Variants in RIOK1 observed in about 807,000 individuals in gnomAD.
RIOK1 encodes RIO kinase 1.
In RIOK1, 66 loss-of-function variants were observed where a neutral mutation model predicts 73.5. The ratio of observed to expected loss-of-function variants is 0.90; its 90% confidence interval spans 0.74 to 1.10. The LOEUF (loss-of-function observed/expected upper bound fraction) is 1.10, where lower values mean the gene tolerates loss of function less well. Among genes scored for constraint, RIOK1 ranks in the 50% least tolerant of loss-of-function variants. The pLI is 0.00. For missense variants in RIOK1, 658 were observed against 699.8 expected, an observed-to-expected ratio of 0.94 and a Z score of 0.67; for synonymous variants, 224 against 226.8, an observed-to-expected ratio of 0.99 and a Z score of 0.11.
chr6:7,405,789 T>C (rs1190977712), intron 12 of RIOK1, among the ~76,000 whole-genome samples: 1 of 145,808 alleles, frequency 6.9e-6, no homozygotes, highest in Non-Finnish European at 1.5e-5. Flanking sequence ...TTTTTTTTTT[T>C]CCTTTTTTTT....
At chr6:7,394,295 G>A (rs887870702) in intron 2 of RIOK1, among the ~76,000 whole-genome samples, 20 of 152,140 alleles carry the variant, frequency 1.3e-4, no homozygotes, top group Non-Finnish European at 5.9e-5. Context: ...TTAGCCGGGC[G>A]TGGTGGTGGG....
In RIOK1 at chr6:7,417,941, T is replaced by C. The variant is rs1386569283; in HGVS notation, c.*500T>C. The C allele has an allele frequency of 6.6e-6, 1 of 152,286 alleles. No individual in the cohort carries two copies. Among genetic ancestry groups the C allele is most frequent in the African/African-American group, 2.4e-5 (1 of 41,468 alleles). 9.4% of individuals were successfully genotyped at this position (152,286 alleles called of 1,614,324 possible). A position where few individuals can be genotyped will look rare whatever the true frequency, so the allele number is the denominator to read the frequency against. On this transcript the variant is annotated 3_prime_UTR_variant, in exon 17 of 17. Coordinates refer to ENST00000379834, the MANE Select transcript of RIOK1 (RefSeq NM_031480.3). ...GATTTTCACTGCAACTCTGCCTTTG[T>C]GTGTATTGGCGATCATTTGTAATGC... is the stretch of plus-strand genomic sequence containing the variant.
rs1761951165 is a variant in RIOK1 at position 7,414,358 on chromosome 6, A to G, written c.1564A>G (p.Lys522Glu). ...EEQGDHARPK[K>E]HTTDPDIDKK... Reference sequence around the variant, plus strand: ...GCAGGGAGACCATGCCCGCCCCAAGAAACACACCACGGACCCTGACATTGA... The same window carrying G: ...GCAGGGAGACCATGCCCGCCCCAAGGAACACACCACGGACCCTGACATTGA... Residue 522 changes from lysine to glutamate, a missense_variant, in exon 16 of 17, where the codon AAA becomes GAA. Lys to Glu is a moderately conservative substitution (Grantham distance 56). Transcript: ENST00000379834. 6.2e-7 allele frequency: 1 copy of G among 1,612,456 alleles called. No individual in the cohort carries two copies. The highest frequency in any genetic ancestry group is 2.2e-5 in the East Asian group (1 of 44,872).
Position 7,414,334 on chromosome 6 carries a change from C to G in RIOK1, c.1540C>G (p.Gln514Glu). 6.2e-7 allele frequency: 1 copy of G among 1,613,742 alleles called. No homozygotes were observed. The highest frequency in any genetic ancestry group is 8.5e-7 in the Non-Finnish European group (1 of 1,179,878). ...GTGCTCTGACACAGACTCTGAAGAG[C>G]AGGGAGACCATGCCCGCCCCAAGAA... The part of the protein sequence containing the change: ...SECSDTDSEE[Q>E]GDHARPKKHT... Residue 514 changes from glutamine (Q) to glutamate (E), a missense_variant, in exon 16 of 17, where the codon CAG becomes GAG. Coordinates refer to ENST00000379834, the MANE Select transcript of RIOK1 (RefSeq NM_031480.3).
At position 7,417,398 on chromosome 6, in the gene RIOK1, A is replaced by G; in HGVS notation, c.1664A>G (p.Lys555Arg). Residue 555 changes from lysine (K) to arginine (R), a missense_variant, in exon 17 of 17, where the codon AAA (lysine) becomes AGA (arginine). By Grantham distance (26) the Lys-to-Arg change is conservative. Coordinates refer to ENST00000379834, the MANE Select transcript of RIOK1 (RefSeq NM_031480.3). ...AAAAACAAAATTCCTAAACATGTGA[A>G]AAAAAGAAAGGAGAAGACAGCCAAG... ...KRKNKIPKHV[K>R]KRKEKTAKTK... is the part of the protein sequence containing the mutation. 5 of 1,570,650 alleles carry G rather than the reference A, an allele frequency of 3.2e-6. No individual in the cohort carries two copies. In the South Asian group the frequency reaches 5.9e-5, roughly 19 times the overall value.
intron 9 of RIOK1, 44 bp from the exon 10 acceptor site, chr6:7,404,374 A>G: frequency 6.2e-7 from 1 of 1,609,684 alleles, no homozygotes; most frequent in Non-Finnish European, 8.5e-7. Flanking sequence ...AAGAAGCAAG[A>G]AAACTTGTTC....
intron 4 of RIOK1, 57 bp downstream of exon 4, chr6:7,396,829 C>A: frequency 2.2e-6 from 2 of 893,836 alleles, no homozygotes; most frequent in Non-Finnish European, 1.8e-6. Context: ...GATTAAGCAG[C>A]ACCTTGATCA....
Position 7,395,036 on chromosome 6 carries a change from C to T in RIOK1, c.277-17C>T. ...GTTTTTACAGCTAGTGCCTTAGACT[C>T]TGGAATTCCCTTCTAGGCAAATCGA... On this transcript the variant is annotated splice_polypyrimidine_tract_variant and intron_variant, in intron 2 of 16. Transcript: ENST00000379834. 1 of 1,613,236 alleles carries T rather than the reference C, an allele frequency of 6.2e-7. No individual in the cohort carries two copies. The highest frequency in any genetic ancestry group is 8.5e-7 in the Non-Finnish European group (1 of 1,179,500).
In RIOK1 at chr6:7,414,236, A is replaced by G; in HGVS notation, c.1444-2A>G. ...ATAACATGGTTCTTTAATAATTTCAAGGTCCCTGCACTCCTAGAAAATCAA... is the reference window on the plus strand; with the variant it reads ...ATAACATGGTTCTTTAATAATTTCAGGGTCCCTGCACTCCTAGAAAATCAA... On this transcript the variant is annotated splice_acceptor_variant, in intron 15 of 16. Transcript: ENST00000379834. LOFTEE classifies it high-confidence loss of function. 1 of 1,599,976 alleles carries G rather than the reference A, an allele frequency of 6.3e-7. No homozygotes were observed. Among genetic ancestry groups the G allele is most frequent in the Non-Finnish European group, 8.5e-7 (1 of 1,176,072 alleles).
intron 5 of RIOK1, among the ~76,000 whole-genome samples, chr6:7,399,047 C>G (rs757323642): frequency 6.6e-6 from 1 of 152,022 alleles, no homozygotes; most frequent in Non-Finnish European, 1.5e-5. Flanking sequence ...GTGAGCTTTC[C>G]CAGAAGATAG....
At position 7,395,160 on chromosome 6, in the gene RIOK1, C is replaced by A. The variant is rs375154367; in HGVS notation, c.367+17C>A. The A allele has an allele frequency of 1.0e-4, 160 of 1,601,324 alleles. No individual in the cohort carries two copies. The African/African-American group carries it at 1.9e-3, about 19-fold the overall frequency. On this transcript the variant is annotated intron_variant, in intron 3 of 16. Transcript: ENST00000379834. ...TTAATTTAGGTGAGTTTACAAAATACATCACTGGGCTAAGAGGACATTTTT... is the reference window on the plus strand; with the variant it reads ...TTAATTTAGGTGAGTTTACAAAATAAATCACTGGGCTAAGAGGACATTTTT...
chr6:7,399,448 G>A (rs952669511), intron 5 of RIOK1, among the ~76,000 whole-genome samples: 2 of 152,124 alleles, frequency 1.3e-5, no homozygotes, highest in African/African-American at 4.8e-5. Context: ...TGAAAACAAA[G>A]TATGGTTCAC....
chr6:7,414,745 T>G (rs1374158319), intron 16 of RIOK1, among the ~76,000 whole-genome samples: 1 of 152,230 alleles, frequency 6.6e-6, no homozygotes, highest in Non-Finnish European at 1.5e-5. Flanking sequence ...GACCATATAA[T>G]AGTCCCCCCA....
In RIOK1 at chr6:7,404,960, C is replaced by A. The variant is rs202184203; in HGVS notation, c.1035C>A (p.Ser345=). 6.2e-7 allele frequency: 1 copy of A among 1,614,022 alleles called. No individual in the cohort carries two copies. Among genetic ancestry groups the A allele is most frequent in the Non-Finnish European group, 8.5e-7 (1 of 1,180,014 alleles). ...TGTATATCATTGACGTGTCTCAGTC[C>A]GTGGAGCACGACCACCCACATGCCT... is the stretch of plus-strand genomic sequence containing the variant. The part of the protein sequence containing the change: ...GGVYIIDVSQ[S]VEHDHPHALE... The change falls in exon 11 of 17, where the codon TCC becomes TCA. Residue 345 remains serine (S), a synonymous_variant. Transcript: ENST00000379834.
At chr6:7,415,063 C>T (rs752524279) in intron 16 of RIOK1, among the ~76,000 whole-genome samples, 1 of 152,054 alleles carries the variant, frequency 6.6e-6, no homozygotes, top group South Asian at 2.1e-4. Flanking sequence ...TAATAATGAC[C>T]GTAAATTACA....
chr6:7,409,145 CCCCAGTAGCTGGGATTACAGGCA>C (rs1190174256), intron 12 of RIOK1, among the ~76,000 whole-genome samples: 13 of 152,026 alleles, frequency 8.6e-5, no homozygotes, highest in African/African-American at 1.2e-4. Context: ...GCCTCAGCCT[CCCCAGTAGCTGGGATTACAGGCA>C]CCCAGTAGCT....
At chr6:7,406,124 GTAGC>G (rs1272198914) in intron 12 of RIOK1, among the ~76,000 whole-genome samples, 1 of 151,668 alleles carries the variant, frequency 6.6e-6, no homozygotes, top group Non-Finnish European at 1.5e-5. Flanking sequence ...CAGTCTCCGA[GTAGC>G]TAGGACTACA....
chr6:7,409,213 T>TTGTG lies in RIOK1; in HGVS notation c.1204-1119_1204-1116dup, dbSNP rs58234662. On this transcript the variant is annotated intron_variant, in intron 12 of 16. Coordinates refer to ENST00000379834, the MANE Select transcript of RIOK1 (RefSeq NM_031480.3). ...GGAGCCCACCACCACTCCCGACTAA[T>TTGTG]TGTGTGTGTGTGTGTGTGTGTGTGT... Among the ~76,000 whole-genome samples the TTGTG allele has an allele frequency of 5.3e-3, 472 of 88,226 alleles. 6 individuals are homozygous for TTGTG. Among genetic ancestry groups the TTGTG allele is most frequent in the South Asian group, 0.012 (26 of 2,094 alleles). 57.9% of individuals were successfully genotyped at this position (88,226 alleles called of 152,430 possible).
chr6:7,396,424 T>A (rs1761475650), intron 3 of RIOK1, among the ~76,000 whole-genome samples: 1 of 152,238 alleles, frequency 6.6e-6, no homozygotes, highest in Non-Finnish European at 1.5e-5. Context: ...TGAAATTTAT[T>A]ATGCAAATTA....
Sources: allele counts gnomAD v4.1 joint callset (sites outside exome capture counted in the v4.1 genomes callset), GRCh38; gene constraint gnomAD v4.1.1; transcripts MANE v1.5; gene names NCBI Gene and HGNC (gene_info 2026-07-23, HGNC 2026-07-21).